The following KCNJ1 variants were observed in gnomAD, a reference collection of about 807,000 sequenced individuals.
KCNJ1 encodes potassium inwardly rectifying channel subfamily J member 1, also known as ATP-sensitive inward rectifier potassium channel 1.
In KCNJ1, 24 loss-of-function variants were observed where a neutral mutation model predicts 21.9. The ratio of observed to expected loss-of-function variants is 1.10; its 90% confidence interval spans 0.79 to 1.54. The LOEUF (loss-of-function observed/expected upper bound fraction) is 1.54. Ranked by LOEUF, KCNJ1 falls within the 40% of genes most tolerant of loss-of-function variation. The probability of loss-of-function intolerance (pLI) is 0.00; values close to 1 mark genes in which losing one functional copy is unlikely to be tolerated. For missense variants in KCNJ1, 457 were observed against 455.4 expected, an observed-to-expected ratio of 1.00 and a Z score of -0.03; for synonymous variants, 152 against 160.9, an observed-to-expected ratio of 0.94 and a Z score of 0.42.
intron 1 of KCNJ1, among the ~76,000 whole-genome samples, chr11:128,860,101 T>G (rs927956022): frequency 1.3e-5 from 2 of 151,190 alleles, no homozygotes; most frequent in African/African-American, 4.9e-5. Context: ...GAAGGACACC[T>G]GTCTGGCCCC....
At position 128,860,408 on chromosome 11, in the gene KCNJ1, G is replaced by C. The variant is rs192383872; in HGVS notation, c.-192+6765C>G. 6.6e-5 allele frequency among the ~76,000 whole-genome samples: 10 copies of C among 152,368 alleles called. No homozygotes were observed. In the East Asian group the frequency reaches 1.9e-3, roughly 29 times the overall value. On this transcript the variant is annotated intron_variant, in intron 1 of 2. Coordinates refer to ENST00000392666, the MANE Select transcript of KCNJ1 (RefSeq NM_153766.3). ...TGATATAAGTGCGTGACACTGCACA[G>C]GTTTCACTGTGTGAAATGCATACAT...
chr11:128,863,980 C>T (rs749031222), intron 1 of KCNJ1, among the ~76,000 whole-genome samples: 2 of 150,742 alleles, frequency 1.3e-5, no homozygotes, highest in Admixed American at 1.3e-4. Flanking sequence ...AATCGTCCTG[C>T]GTGGAGGAAG....
intron 2 of KCNJ1, chr11:128,842,665 T>C: frequency 3.0e-6 from 2 of 662,796 alleles, no homozygotes; most frequent in Non-Finnish European, 4.8e-6. Context: ...AATACCAACA[T>C]GCTAAGACAT....
intron 2 of KCNJ1, among the ~76,000 whole-genome samples, chr11:128,847,963 G>T (rs1358165478): frequency 2.0e-5 from 3 of 151,906 alleles, no homozygotes; most frequent in African/African-American, 7.3e-5. Context: ...CGACCTCCTG[G>T]GCTCAAGAGA....
intron 1 of KCNJ1, among the ~76,000 whole-genome samples, chr11:128,853,908 C>T (rs976030384): frequency 1.3e-5 from 2 of 152,236 alleles, no homozygotes; most frequent in Non-Finnish European, 2.9e-5. Context: ...TCTGCTCACC[C>T]TCACTGCTAA....
intron 1 of KCNJ1, among the ~76,000 whole-genome samples, chr11:128,863,572 C>T (rs2135963203): frequency 6.6e-6 from 1 of 152,306 alleles, no homozygotes; most frequent in South Asian, 2.1e-4. Flanking sequence ...TTCAGATTTA[C>T]ATTTTTCCTA....
intron 2 of KCNJ1, among the ~76,000 whole-genome samples, chr11:128,841,122 C>G (rs933971392): frequency 6.6e-6 from 1 of 152,160 alleles, no homozygotes; most frequent in Non-Finnish European, 1.5e-5. Context: ...ATCTACAAGC[C>G]TGTTCCTACT....
intron 2 of KCNJ1, among the ~76,000 whole-genome samples, chr11:128,844,486 C>T (rs573552142): frequency 6.6e-6 from 1 of 152,350 alleles, no homozygotes; most frequent in African/African-American, 2.4e-5. Flanking sequence ...CTCCATTTAA[C>T]AGCCCTTCAA....
At chr11:128,860,844 C>A (rs973383084) in intron 1 of KCNJ1, among the ~76,000 whole-genome samples, 4 of 152,216 alleles carry the variant, frequency 2.6e-5, no homozygotes, top group Non-Finnish European at 5.9e-5. Flanking sequence ...GACAGGGGCA[C>A]GCCCAGCCCC....
intron 1 of KCNJ1, among the ~76,000 whole-genome samples, chr11:128,854,981 G>A (rs187765128): frequency 3.3e-5 from 5 of 152,302 alleles, no homozygotes; most frequent in Non-Finnish European, 5.9e-5. Context: ...CTTGAAACAC[G>A]TATCTGGAGT....
chr11:128,839,936 A>G lies in KCNJ1; in HGVS notation c.308T>C (p.Val103Ala), dbSNP rs766131330. Residue 103 changes from valine to alanine, a missense_variant, in exon 3 of 3, where the codon GTG becomes GCG. Coordinates refer to ENST00000392666, the MANE Select transcript of KCNJ1 (RefSeq NM_153766.3). ...FHPSANHTPC[V>A]ENINGLTSAF... ...TGAGGTCAAGCCATTAATATTCTCC[A>G]CACAGGGAGTGTGATTGGCAGAAGG... 1.2e-6 allele frequency: 2 copies of G among 1,614,040 alleles called. No individual in the cohort carries two copies. The highest frequency in any genetic ancestry group is 1.1e-5 in the South Asian group (1 of 91,080).
rs764854477 is a variant in KCNJ1, at chr11:128,839,751, T to C, written c.493A>G (p.Arg165Gly). ...ATGGTCTTGGCACGTTTTTTGGGCC[T>C]GGAGATCTTGGCTAAGATGGCCCCA... The part of the protein sequence containing the change: ...MCGAILAKIS[R>G]PKKRAKTITF... Residue 165 changes from arginine (R) to glycine (G), a missense_variant, in exon 3 of 3, where the codon AGG (arginine) becomes GGG (glycine). Transcript: ENST00000392666. 2 of 1,613,950 alleles carry C rather than the reference T, an allele frequency of 1.2e-6. No homozygotes were observed. Among genetic ancestry groups the C allele is most frequent in the Non-Finnish European group, 1.7e-6 (2 of 1,180,006 alleles).
chr11:128,864,636 CT>C (rs1248437104), intron 1 of KCNJ1, among the ~76,000 whole-genome samples: 1 of 152,070 alleles, frequency 6.6e-6, no homozygotes, highest in Non-Finnish European at 1.5e-5. Context: ...TTTCTGTATA[CT>C]TTTGGCTTGA....
At chr11:128,856,734 T>A (rs973511216) in intron 1 of KCNJ1, among the ~76,000 whole-genome samples, 1 of 152,124 alleles carries the variant, frequency 6.6e-6, no homozygotes, top group Non-Finnish European at 1.5e-5. Flanking sequence ...TTTCTTCCTC[T>A]CACCTCACAC....
At chr11:128,850,497 G>T (rs991131775) in intron 2 of KCNJ1, among the ~76,000 whole-genome samples, 2 of 152,210 alleles carry the variant, frequency 1.3e-5, no homozygotes, top group South Asian at 4.1e-4. Context: ...AGGTGTAAAT[G>T]ACTCAAAGTG....
chr11:128,854,757 T>A (rs967846967), intron 1 of KCNJ1, among the ~76,000 whole-genome samples: 13 of 152,192 alleles, frequency 8.5e-5, no homozygotes, highest in African/African-American at 2.7e-4. Context: ...CCACCACCTC[T>A]CAACATCCTA....
chr11:128,847,899 C>T (rs898020101), intron 2 of KCNJ1, among the ~76,000 whole-genome samples: 3 of 152,154 alleles, frequency 2.0e-5, no homozygotes, highest in Non-Finnish European at 2.9e-5. Context: ...GACAGGGTCT[C>T]ACTCTGTCAT....
chr11:128,840,265 C>A lies in KCNJ1; in HGVS notation c.-21-1G>T. 1 of 1,614,080 alleles carries A rather than the reference C, an allele frequency of 6.2e-7. No homozygotes were observed. The highest frequency in any genetic ancestry group is 1.6e-4 in the Middle Eastern group (1 of 6,062). On this transcript the variant is annotated splice_acceptor_variant, in intron 2 of 2. Coordinates refer to ENST00000392666, the MANE Select transcript of KCNJ1 (RefSeq NM_153766.3). LOFTEE classifies it low-confidence loss of function (5UTR_SPLICE). ...ACATACTTTCTGTCAACACCCTGATCTGAAAACACATCAAAGAAAAACAAA... is the reference window on the plus strand; with the variant it reads ...ACATACTTTCTGTCAACACCCTGATATGAAAACACATCAAAGAAAAACAAA...
intron 2 of KCNJ1, 90 bp from the exon 3 acceptor site, chr11:128,840,354 G>T (rs765188195): frequency 2.2e-5 from 27 of 1,245,598 alleles, no homozygotes; most frequent in African/African-American, 3.0e-5. Flanking sequence ...ACTACGAAAA[G>T]ATCATTCAAA....
Sources: allele counts gnomAD v4.1 joint callset (sites outside exome capture counted in the v4.1 genomes callset), GRCh38; gene constraint gnomAD v4.1.1; transcripts MANE v1.5; gene names NCBI Gene and HGNC (gene_info 2026-07-23, HGNC 2026-07-21).